Variants in GRIK4 observed in about 807,000 individuals in gnomAD.
GRIK4 encodes the protein glutamate ionotropic receptor kainate type subunit 4, also known as glutamate receptor ionotropic, kainate 4.
A neutral mutation model predicts 104.9 loss-of-function variants in GRIK4; 40 were observed. That is an observed-to-expected ratio of 0.38 (90% CI 0.30 to 0.50). The LOEUF is 0.50. Ranked by LOEUF, GRIK4 falls within the 20% of genes least tolerant of loss-of-function variation. The probability of loss-of-function intolerance (pLI) is 0.93; values close to 1 mark genes in which losing one functional copy is unlikely to be tolerated. For missense variants in GRIK4, 1,047 were observed against 1,308.1 expected, an observed-to-expected ratio of 0.80 and a Z score of 3.08; for synonymous variants, 485 against 524.9, an observed-to-expected ratio of 0.92 and a Z score of 1.04.
intron 3 of GRIK4, among the ~76,000 whole-genome samples, chr11:120,790,774 G>T (rs1187967633): frequency 6.6e-6 from 1 of 152,134 alleles, no homozygotes; most frequent in Non-Finnish European, 1.5e-5. Flanking sequence ...GGGAACAGAA[G>T]GGGGGCAGTG....
At chr11:120,634,984 G>A (rs1294613701) in intron 1 of GRIK4, among the ~76,000 whole-genome samples, 9 of 152,200 alleles carry the variant, frequency 5.9e-5, no homozygotes, top group African/African-American at 2.2e-4. Flanking sequence ...AGCAAAGCCT[G>A]GGAGAAGACA....
Position 120,822,460 on chromosome 11 carries a change from A to AT in GRIK4, c.511+2542dup, listed in dbSNP as rs1461876437. ...AATCACAGTCCAGTGCACCATCGTC[A>AT]TTACACCTGTATTTATCAAATGGGT... On this transcript the variant is annotated intron_variant, in intron 6 of 20. Coordinates refer to ENST00000527524, the MANE Select transcript of GRIK4 (RefSeq NM_014619.5). Among the ~76,000 whole-genome samples, 7 of 152,342 alleles carry AT rather than the reference A, an allele frequency of 4.6e-5. No homozygotes were observed. In the East Asian group the frequency reaches 1.4e-3, roughly 29 times the overall value.
intron 3 of GRIK4, among the ~76,000 whole-genome samples, chr11:120,767,672 T>C (rs1206309470): frequency 2.0e-5 from 3 of 152,230 alleles, no homozygotes; most frequent in African/African-American, 4.8e-5. Context: ...AAGAGTCTTA[T>C]GGTTTCAGGT....
chr11:120,671,340 T>C (rs1950014016), intron 3 of GRIK4, among the ~76,000 whole-genome samples: 1 of 152,252 alleles, frequency 6.6e-6, no homozygotes. Flanking sequence ...GCATTACTAT[T>C]TCTCCACATC....
intron 13 of GRIK4, among the ~76,000 whole-genome samples, chr11:120,921,299 T>C (rs967583011): frequency 1.3e-5 from 2 of 152,204 alleles, no homozygotes; most frequent in African/African-American, 4.8e-5. Flanking sequence ...TATCCGTCTA[T>C]TGGCAGCATT....
intron 1 of GRIK4, among the ~76,000 whole-genome samples, chr11:120,515,394 T>C (rs1947713320): frequency 6.6e-6 from 1 of 152,138 alleles, no homozygotes; most frequent in South Asian, 2.1e-4. Flanking sequence ...ACCTGTAAAA[T>C]GGGGATAAAT....
intron 14 of GRIK4, among the ~76,000 whole-genome samples, chr11:120,945,907 C>T (rs1038161014): frequency 6.6e-6 from 1 of 152,258 alleles, no homozygotes; most frequent in African/African-American, 2.4e-5. Flanking sequence ...AGCCTTTAGC[C>T]TTTGTTGTCC....
rs146589617 is a variant in GRIK4, at chr11:120,585,208, A to G, written c.-158-68477A>G. 8.5e-3 allele frequency among the ~76,000 whole-genome samples: 1,302 copies of G among 152,312 alleles called. 11 individuals are homozygous for G. Among genetic ancestry groups the G allele is most frequent in the Non-Finnish European group, 0.013 (858 of 68,024 alleles). On this transcript the variant is annotated intron_variant, in intron 1 of 20. Coordinates refer to ENST00000527524, the MANE Select transcript of GRIK4 (RefSeq NM_014619.5). Reference sequence around the variant, plus strand: ...ACTTTGTTTATCCATGCATCTGTCAATGGACCCTTGGGTTGCTTCCACAAC... The same window carrying G: ...ACTTTGTTTATCCATGCATCTGTCAGTGGACCCTTGGGTTGCTTCCACAAC...
intron 6 of GRIK4, among the ~76,000 whole-genome samples, chr11:120,828,325 A>G (rs759025492): frequency 2.0e-5 from 3 of 152,228 alleles, no homozygotes; most frequent in Admixed American, 6.5e-5. Context: ...AATACTTTCT[A>G]TGGTTTAAAA....
At chr11:120,592,336 G>T (rs138607517) in intron 1 of GRIK4, among the ~76,000 whole-genome samples, 1 of 152,174 alleles carries the variant, frequency 6.6e-6, no homozygotes, top group Non-Finnish European at 1.5e-5. Flanking sequence ...GTGTGCACAC[G>T]CCTCTTCGGA....
At position 120,533,734 on chromosome 11, in the gene GRIK4, C is replaced by T. The variant is rs549632980; in HGVS notation, c.-159+21847C>T. On this transcript the variant is annotated intron_variant, in intron 1 of 20. Transcript: ENST00000527524. The stretch of plus-strand genomic sequence containing the variant: ...CTCTACAAAAAATGCAAAACTTACC[C>T]GGGTGTGGTAGTGCGTGCCTGTAAT... Among the ~76,000 whole-genome samples, 37 of 152,134 alleles carry T rather than the reference C, an allele frequency of 2.4e-4. 1 individual carries two copies. The highest frequency in any genetic ancestry group is 2.1e-3 in the South Asian group (10 of 4,818).
rs1178625510 is a variant in GRIK4, at chr11:120,986,359, G to C, written c.*99G>C. The C allele has an allele frequency of 2.2e-6, 3 of 1,336,212 alleles. No individual in the cohort carries two copies. Among genetic ancestry groups the C allele is most frequent in the Non-Finnish European group, 1.9e-6 (2 of 1,031,276 alleles). 82.8% of individuals were successfully genotyped at this position (1,336,212 alleles called of 1,614,324 possible). ...CGCCAGCCGGAACTTGTACAGCGTC[G>C]ACACCTCTCCAGATTTCGGATCCAG... On this transcript the variant is annotated 3_prime_UTR_variant, in exon 21 of 21. Coordinates refer to ENST00000527524, the MANE Select transcript of GRIK4 (RefSeq NM_014619.5).
At chr11:120,827,487 G>A (rs555345717) in intron 6 of GRIK4, among the ~76,000 whole-genome samples, 1 of 152,262 alleles carries the variant, frequency 6.6e-6, no homozygotes, top group South Asian at 2.1e-4. Context: ...AAGGAGAGGA[G>A]GGTGGGGGTG....
intron 1 of GRIK4, among the ~76,000 whole-genome samples, chr11:120,594,103 CTA>C (rs1948770235): frequency 6.6e-6 from 1 of 152,246 alleles, no homozygotes; most frequent in South Asian, 2.1e-4. Flanking sequence ...ATTTTAAAAA[CTA>C]TGCATTTCAA....
chr11:120,581,983 A>G (rs933073462), intron 1 of GRIK4, among the ~76,000 whole-genome samples: 1 of 151,574 alleles, frequency 6.6e-6, no homozygotes, highest in East Asian at 1.9e-4. Context: ...ACTTTTTAAT[A>G]TTTTTAGTAG....
intron 6 of GRIK4, among the ~76,000 whole-genome samples, chr11:120,820,797 T>C (rs1306563473): frequency 6.6e-6 from 1 of 152,200 alleles, no homozygotes; most frequent in African/African-American, 2.4e-5. Context: ...TCCTGCATCC[T>C]GGAATCCCCA....
intron 1 of GRIK4, among the ~76,000 whole-genome samples, chr11:120,521,075 T>G (rs1947792239): frequency 6.7e-6 from 1 of 148,618 alleles, no homozygotes; most frequent in Non-Finnish European, 1.5e-5. Context: ...TTTCTTTTTT[T>G]GTTTTGTTTT....
chr11:120,566,488 T>G (rs1948325161), intron 1 of GRIK4, among the ~76,000 whole-genome samples: 2 of 152,190 alleles, frequency 1.3e-5, no homozygotes, highest in South Asian at 4.1e-4. Flanking sequence ...ACGATGTGGT[T>G]TGGACCCTCC....
At position 120,512,137 on chromosome 11, in the gene GRIK4, C is replaced by G. The variant is rs916451600; in HGVS notation, c.-159+250C>G. On this transcript the variant is annotated intron_variant, in intron 1 of 20. Transcript: ENST00000527524. ...CGTCTCCAGATTCGCCGCCGAACCCCCCACCGCTCTGCTCCCGTAGTTCCT... is the reference window on the plus strand; with the variant it reads ...CGTCTCCAGATTCGCCGCCGAACCCGCCACCGCTCTGCTCCCGTAGTTCCT... Among the ~76,000 whole-genome samples the G allele has an allele frequency of 5.4e-4, 82 of 151,438 alleles. 2 individuals carry two copies. Among genetic ancestry groups the G allele is most frequent in the Non-Finnish European group, 2.7e-4 (18 of 67,778 alleles).
Sources: gnomAD v4.1 joint callset for allele counts (sites outside exome capture counted in the v4.1 genomes callset) on GRCh38, gnomAD v4.1.1 for gene constraint, MANE v1.5 for transcripts, NCBI Gene and HGNC (gene_info 2026-07-23, HGNC 2026-07-21) for gene names.